The following SYTL2 variants were observed in gnomAD, a reference collection of about 807,000 sequenced individuals.
SYTL2 encodes the protein synaptotagmin like 2, also known as synaptotagmin-like protein 2.
A neutral mutation model predicts 198.7 loss-of-function variants in SYTL2; 165 were observed. The ratio of observed to expected loss-of-function variants is 0.83; its 90% CI spans 0.73 to 0.94. SYTL2 has a LOEUF of 0.94. SYTL2 is among the 40% of genes least tolerant of loss of function. The pLI is 0.00. For synonymous variants in SYTL2, 966 were observed against 917.7 expected (o/e 1.05, Z -0.95); for missense variants, 2,835 against 2,582.8 (o/e 1.10, Z -2.12).
Position 85,727,662 on chromosome 11 carries a change from T to C in SYTL2, c.1696A>G (p.Thr566Ala). The change falls in exon 8 of 20, where the codon ACT (threonine) becomes GCT (alanine). Residue 566 changes from threonine (T) to alanine (A), a missense_variant. Transcript: ENST00000359152. ...QVAVDLVTDD[T>A]TLRENGSKTL... Reference sequence around the variant, plus strand: ...TTTGAGCCATTTTCTCTTAAAGTAGTGTCATCTGTCACCAAGTCAACAGCA... The same window carrying C: ...TTTGAGCCATTTTCTCTTAAAGTAGCGTCATCTGTCACCAAGTCAACAGCA... The C allele has an allele frequency of 6.5e-7, 1 of 1,538,172 alleles. No individual in the cohort carries two copies. Among genetic ancestry groups the C allele is most frequent in the South Asian group, 1.2e-5 (1 of 84,008 alleles).
chr11:85,712,115 G>A (rs1039832984), intron 12 of SYTL2, among the ~76,000 whole-genome samples: 1 of 152,184 alleles, frequency 6.6e-6, no homozygotes, highest in East Asian at 1.9e-4. Flanking sequence ...CCTTTATGGA[G>A]TAGTTAGTTC....
At chr11:85,803,427 T>TTCTA in intron 1 of SYTL2, among the ~76,000 whole-genome samples, 1 of 152,332 alleles carries the variant, frequency 6.6e-6, no homozygotes, top group Admixed American at 6.5e-5. Context: ...GCTCTAGTCC[T>TTCTA]GGGTGGTGCT....
At chr11:85,695,405 G>C in intron 19 of SYTL2, 65 bp from the exon 20 acceptor site, 2 of 1,359,112 alleles carry the variant, frequency 1.5e-6, no homozygotes, top group Non-Finnish European at 2.0e-6. Flanking sequence ...AAGAGGGAAA[G>C]TTATTCCCTA....
At chr11:85,746,678 G>A (rs1408322400) in intron 3 of SYTL2, among the ~76,000 whole-genome samples, 1 of 152,170 alleles carries the variant, frequency 6.6e-6, no homozygotes, top group Non-Finnish European at 1.5e-5. Context: ...CCTGTTACAT[G>A]TAAGCCTAGT....
chr11:85,723,981 A>G (rs1479488749), intron 8 of SYTL2, 51 bp downstream of exon 8: 1 of 1,061,998 alleles, frequency 9.4e-7, no homozygotes, highest in Non-Finnish European at 1.3e-6. Flanking sequence ...CCTTTACATC[A>G]GCATTCCATA....
At chr11:85,849,585 T>G in the SYTL2 span, among the ~76,000 whole-genome samples, 1 of 151,676 alleles carries the variant, frequency 6.6e-6, no homozygotes, top group East Asian at 1.9e-4. Flanking sequence ...TTGTCAAAGA[T>G]CAGATAGTTG....
the SYTL2 span, among the ~76,000 whole-genome samples, chr11:85,834,759 TC>T: frequency 7.5e-6 from 1 of 133,356 alleles, no homozygotes; most frequent in Admixed American, 7.2e-5. Flanking sequence ...CTTTTCTTTT[TC>T]TTTTTTTTTT....
At chr11:85,757,533 T>C in intron 2 of SYTL2, 92 bp downstream of exon 2, 2 of 1,407,988 alleles carry the variant, frequency 1.4e-6, no homozygotes, top group Non-Finnish European at 2.0e-6. Context: ...GAGTCAGAAC[T>C]ACCACTTATA....
chr11:85,714,868 T>A (rs75320721), intron 11 of SYTL2: 119 of 222,694 alleles, frequency 5.3e-4, no homozygotes, highest in Non-Finnish European at 8.3e-4. Context: ...TATTGGTTCA[T>A]CTCCTTGAGA....
chr11:85,710,150 G>A (rs1268509336), intron 13 of SYTL2, among the ~76,000 whole-genome samples: 1 of 152,154 alleles, frequency 6.6e-6, no homozygotes, highest in African/African-American at 2.4e-5. Context: ...GAAAGAAGAT[G>A]TGAGAAAACC....
In SYTL2 at chr11:85,726,132, T is replaced by C. The variant is rs1419985185; in HGVS notation, c.3226A>G (p.Lys1076Glu). The change falls in exon 8 of 20, where the codon AAG (lysine) becomes GAG (glutamate). Residue 1076 changes from lysine (K) to glutamate (E), a missense_variant. Physicochemically the swap from Lys to Glu is moderately conservative, Grantham distance 56 (BLOSUM62 1). Around this residue, in one of 3 missense-constraint regions of SYTL2, gnomAD observed 2,645 missense variants for 2,381.7 expected, o/e 1.11. Coordinates refer to ENST00000359152, the MANE Select transcript of SYTL2 (RefSeq NM_206927.4). ...TTTCCTGGCAACTGATAAGTATACT[T>C]TCTAAGTGGACTCAAAGGAAATGTG... The part of the protein sequence containing the change: ...EITFPLSPLR[K>E]YTYQLPGNES... 6.2e-7 allele frequency: 1 copy of C among 1,614,010 alleles called. No individual in the cohort carries two copies. The highest frequency in any genetic ancestry group is 8.5e-7 in the Non-Finnish European group (1 of 1,180,002).
the SYTL2 span, among the ~76,000 whole-genome samples, chr11:85,849,009 T>A: frequency 6.6e-6 from 1 of 152,208 alleles, no homozygotes; most frequent in Non-Finnish European, 1.5e-5. Flanking sequence ...TGGCTTAAAG[T>A]GAAAAAATAT....
chr11:85,709,331 G>A lies in SYTL2; in HGVS notation c.5915C>T (p.Pro1972Leu), dbSNP rs199632665. 61 of 1,613,842 alleles carry A rather than the reference G, an allele frequency of 3.8e-5. No individual in the cohort carries two copies. The highest frequency in any genetic ancestry group is 6.7e-5 in the African/African-American group (5 of 74,866). ...AADVKKQRSDPYVKAYLLPDK... is the reference protein window; with the variant it reads ...AADVKKQRSDLYVKAYLLPDK... ...GTAGGTGACTCTAAAATGTACTTAC[G>A]GGTCTGAACGCTGTTTTTTTACATC... Residue 1972 changes from proline to leucine, a missense_variant and splice_region_variant, in exon 14 of 20, where the codon CCA becomes CTA. Physicochemically the swap from Pro to Leu is moderately conservative, Grantham distance 98. This residue lies in a region of SYTL2 where 2,645 missense variants were observed against 2,381.7 expected (regional missense o/e 1.11). Transcript: ENST00000359152.
At chr11:85,700,383 G>T in intron 17 of SYTL2, 132 bp downstream of exon 17, 1 of 563,082 alleles carries the variant, frequency 1.8e-6, no homozygotes, top group East Asian at 2.8e-5. Flanking sequence ...ACTGTGAATA[G>T]ACTCATTTGG....
intron 4 of SYTL2, among the ~76,000 whole-genome samples, chr11:85,743,746 T>C (rs1326810466): frequency 6.6e-6 from 1 of 152,154 alleles, no homozygotes; most frequent in Admixed American, 6.5e-5. Flanking sequence ...ATGAGGACAG[T>C]GGCACCTCTG....
Position 85,711,337 on chromosome 11 carries a change from C to T in SYTL2, c.5626-105G>A, listed in dbSNP as rs527817471. 7.3e-5 allele frequency: 92 copies of T among 1,256,826 alleles called. 1 individual carries two copies. Among genetic ancestry groups the T allele is most frequent in the South Asian group, 3.1e-4 (22 of 70,586 alleles). 77.9% of individuals were successfully genotyped at this position (1,256,826 alleles called of 1,614,324 possible). On this transcript the variant is annotated intron_variant, in intron 12 of 19. Coordinates refer to ENST00000359152, the MANE Select transcript of SYTL2 (RefSeq NM_206927.4). ...GATTTTGGTATTCCACTGACATTTACGCAAGGTCAAAGGATGCTAGTGCTA... is the reference window on the plus strand; with the variant it reads ...GATTTTGGTATTCCACTGACATTTATGCAAGGTCAAAGGATGCTAGTGCTA...
intron 7 of SYTL2, 38 bp from the exon 8 acceptor site, chr11:85,728,005 C>T (rs2089408362): frequency 2.0e-6 from 3 of 1,504,676 alleles, no homozygotes; most frequent in South Asian, 2.6e-5. Flanking sequence ...AAGAAAAGAG[C>T]ATGCTTAAAG....
the SYTL2 span, among the ~76,000 whole-genome samples, chr11:85,838,948 T>C: frequency 1.3e-5 from 2 of 152,220 alleles, no homozygotes; most frequent in African/African-American, 4.8e-5. Context: ...CTCACTATGT[T>C]GCCAAGGCTG....
At chr11:85,817,391 G>A in the SYTL2 span, among the ~76,000 whole-genome samples, 1 of 152,142 alleles carries the variant, frequency 6.6e-6, no homozygotes, top group Non-Finnish European at 1.5e-5. Context: ...GAGACGTACT[G>A]TAAGTGTAAA....
Sources: allele counts gnomAD v4.1 joint callset (sites outside exome capture counted in the v4.1 genomes callset), GRCh38; gene constraint gnomAD v4.1.1; regional missense constraint gnomAD v4.1.1; transcripts MANE v1.5; gene names NCBI Gene and HGNC (gene_info 2026-07-23, HGNC 2026-07-21).